The following USP32 variants were observed in gnomAD, a reference collection of about 807,000 sequenced individuals.
USP32 encodes the protein ubiquitin specific peptidase 32.
USP32 carries 59 observed loss-of-function variants against 204.8 expected under a neutral mutation model. The observed-to-expected ratio is 0.29, with a 90% CI of 0.23 to 0.36. The LOEUF is 0.36. USP32 is among the 10% of genes least tolerant of loss of function. USP32 has a pLI of 1.00. For missense variants in USP32, 1,160 were observed against 1,946.4 expected, an observed-to-expected ratio of 0.60 and a Z score of 7.60; for synonymous variants, 517 against 678.4, an observed-to-expected ratio of 0.76 and a Z score of 3.70.
chr17:60,184,655 A>G (rs985624587), intron 30 of USP32, among the ~76,000 whole-genome samples: 2 of 152,016 alleles, frequency 1.3e-5, no homozygotes, highest in Non-Finnish European at 2.9e-5. Flanking sequence ...CTAAAAGTAC[A>G]AAAATTAGCC....
chr17:60,236,645 A>G (rs1346831559), intron 11 of USP32, among the ~76,000 whole-genome samples: 1 of 152,228 alleles, frequency 6.6e-6, no homozygotes, highest in Non-Finnish European at 1.5e-5. Flanking sequence ...AGTGATTTTG[A>G]TAACTTTACA....
chr17:60,262,043 G>GCTTAAAA (rs35993118), intron 9 of USP32, among the ~76,000 whole-genome samples: 1 of 152,120 alleles, frequency 6.6e-6, no homozygotes, highest in African/African-American at 2.4e-5. Flanking sequence ...TTAAAATCTA[G>GCTTAAAA]AACTGTAAAT....
At chr17:60,192,552 A>G (rs1185155991) in intron 28 of USP32, among the ~76,000 whole-genome samples, 1 of 152,074 alleles carries the variant, frequency 6.6e-6, no homozygotes, top group Non-Finnish European at 1.5e-5. Flanking sequence ...CTCCTGCCTC[A>G]GTCTCCCAAG....
intron 1 of USP32, among the ~76,000 whole-genome samples, chr17:60,372,428 C>A (rs987119557): frequency 6.6e-6 from 1 of 151,814 alleles, no homozygotes; most frequent in African/African-American, 2.4e-5. Flanking sequence ...TCCTAGGCTA[C>A]AAACCTACAC....
At chr17:60,408,797 A>T (rs1190848349) in intron 1 of USP32, among the ~76,000 whole-genome samples, 1 of 152,060 alleles carries the variant, frequency 6.6e-6, no homozygotes, top group Non-Finnish European at 1.5e-5. Flanking sequence ...GATAGGGGGA[A>T]TCTAAGTGCT....
Position 60,185,419 on chromosome 17 carries a change from T to C in USP32, c.3834+41A>G, listed in dbSNP as rs773096221. ...GTTTGTTCATGTCTTCTTTCTTTTA[T>C]GCCAGATTCCTGCTCTCTCAGAGGC... On this transcript the variant is annotated intron_variant, in intron 30 of 33. Transcript: ENST00000300896. 2.3e-5 allele frequency: 35 copies of C among 1,507,968 alleles called. No homozygotes were observed. In the South Asian group the frequency reaches 4.2e-4, roughly 18 times the overall value. 93.4% of individuals were successfully genotyped at this position (1,507,968 alleles called of 1,614,324 possible).
At chr17:60,318,269 C>A (rs779752875) in intron 2 of USP32, among the ~76,000 whole-genome samples, 27 of 152,174 alleles carry the variant, frequency 1.8e-4, no homozygotes, top group Non-Finnish European at 3.5e-4. Flanking sequence ...AGAAGAAGAT[C>A]AAGCTTGAAA....
intron 1 of USP32, among the ~76,000 whole-genome samples, chr17:60,352,033 A>T (rs1023946230): frequency 1.3e-5 from 2 of 152,220 alleles, no homozygotes; most frequent in African/African-American, 4.8e-5. Context: ...AAGTAGTATG[A>T]TATAAATGGA....
chr17:60,367,311 C>T (rs1248485388), intron 1 of USP32, among the ~76,000 whole-genome samples: 2 of 152,124 alleles, frequency 1.3e-5, no homozygotes, highest in African/African-American at 4.8e-5. Flanking sequence ...GAGTTCAAGA[C>T]AGCTTAGGCA....
At chr17:60,196,002 C>T (rs1428464796) in intron 27 of USP32, among the ~76,000 whole-genome samples, 1 of 152,188 alleles carries the variant, frequency 6.6e-6, no homozygotes, top group African/African-American at 2.4e-5. Context: ...CCGGGTGCAG[C>T]AGCTCACGCC....
intron 2 of USP32, among the ~76,000 whole-genome samples, chr17:60,317,826 A>T (rs983729412): frequency 6.6e-6 from 1 of 152,146 alleles, no homozygotes; most frequent in Non-Finnish European, 1.5e-5. Flanking sequence ...TCTCTACTAA[A>T]AATACAAAAT....
intron 1 of USP32, among the ~76,000 whole-genome samples, chr17:60,380,187 A>G (rs1394177131): frequency 1.3e-5 from 2 of 152,214 alleles, no homozygotes; most frequent in Non-Finnish European, 2.9e-5. Flanking sequence ...ACATTGTACA[A>G]TACAAAATTA....
chr17:60,356,607 C>T (rs1266177396), intron 1 of USP32, among the ~76,000 whole-genome samples: 2 of 152,152 alleles, frequency 1.3e-5, no homozygotes, highest in Non-Finnish European at 2.9e-5. Flanking sequence ...AGAATACACA[C>T]TTTATAAAAT....
intron 1 of USP32, among the ~76,000 whole-genome samples, chr17:60,389,542 C>T (rs371016912): frequency 1.7e-4 from 25 of 145,034 alleles, no homozygotes; most frequent in East Asian, 1.0e-3. Flanking sequence ...GACTCTGTCT[C>T]GAGAAAAAAA....
At chr17:60,277,997 C>T (rs2086879526) in intron 5 of USP32, among the ~76,000 whole-genome samples, 1 of 149,624 alleles carries the variant, frequency 6.7e-6, no homozygotes. Flanking sequence ...GCCTCAACCT[C>T]CTGGGCTCAA....
At chr17:60,366,741 A>C (rs1208373752) in intron 1 of USP32, among the ~76,000 whole-genome samples, 2 of 152,032 alleles carry the variant, frequency 1.3e-5, no homozygotes, top group Admixed American at 6.6e-5. Context: ...TCTCAAAAAA[A>C]AGTTGGTTTT....
intron 7 of USP32, among the ~76,000 whole-genome samples, 154 bp from the exon 8 acceptor site, chr17:60,266,245 A>C (rs1396594879): frequency 6.6e-6 from 1 of 152,206 alleles, no homozygotes; most frequent in Non-Finnish European, 1.5e-5. Flanking sequence ...ATATTATGTC[A>C]TTATAGTCCT....
At chr17:60,364,163 A>G (rs886497001) in intron 1 of USP32, among the ~76,000 whole-genome samples, 2 of 152,132 alleles carry the variant, frequency 1.3e-5, no homozygotes, top group African/African-American at 4.8e-5. Flanking sequence ...GTGTCCTGAC[A>G]TGGTGGGGCA....
chr17:60,193,121 C>T (rs1320559541), intron 27 of USP32, among the ~76,000 whole-genome samples, 191 bp from the exon 28 acceptor site: 1 of 152,222 alleles, frequency 6.6e-6, no homozygotes, highest in Non-Finnish European at 1.5e-5. Context: ...GGCTTCCCAT[C>T]CTCTATCTGG....
Sources: gnomAD v4.1 joint callset for allele counts (sites outside exome capture counted in the v4.1 genomes callset) on GRCh38, gnomAD v4.1.1 for gene constraint, MANE v1.5 for transcripts, NCBI Gene and HGNC (gene_info 2026-07-23, HGNC 2026-07-21) for gene names.